The following UBE3C variants were observed in gnomAD, a reference collection of about 807,000 sequenced individuals.
UBE3C encodes ubiquitin protein ligase E3C.
UBE3C carries 42 observed loss-of-function variants against 129.4 expected under a neutral mutation model. That is an observed-to-expected ratio of 0.32 (90% CI 0.25 to 0.42). The LOEUF (loss-of-function observed/expected upper bound fraction) is 0.42. Ranked by LOEUF, UBE3C falls within the 10% of genes least tolerant of loss-of-function variation. UBE3C has a pLI of 1.00. For synonymous variants in UBE3C, 510 were observed against 492.4 expected, an observed-to-expected ratio of 1.04 and a Z score of -0.47; for missense variants, 1,049 against 1,319.1, an observed-to-expected ratio of 0.80 and a Z score of 3.17.
At chr7:157,164,636 T>C (rs902078502) in intron 2 of UBE3C, 1 of 345,132 alleles carries the variant, frequency 2.9e-6, no homozygotes, top group Non-Finnish European at 5.7e-6. Flanking sequence ...AATTGTACTA[T>C]CTTATGACCT....
intron 5 of UBE3C, among the ~76,000 whole-genome samples, chr7:157,178,084 C>T (rs1474229579): frequency 6.6e-6 from 1 of 152,006 alleles, no homozygotes; most frequent in African/African-American, 2.4e-5. Context: ...CTAGAGACAG[C>T]CAAGAAGAAA....
chr7:157,191,604 G>T (rs1412520016), intron 10 of UBE3C, among the ~76,000 whole-genome samples: 3 of 152,194 alleles, frequency 2.0e-5, no homozygotes, highest in Non-Finnish European at 4.4e-5. Context: ...AGCCCCTCGT[G>T]TGTTTTCTAA....
intron 18 of UBE3C, 155 bp downstream of exon 18, chr7:157,231,482 T>C: frequency 9.1e-7 from 1 of 1,095,686 alleles, no homozygotes; most frequent in Non-Finnish European, 1.3e-6. Context: ...CAAATTTGTA[T>C]GGTTGTAAGT....
intron 8 of UBE3C, 40 bp downstream of exon 8, chr7:157,182,368 G>A (rs761689742): frequency 6.3e-7 from 1 of 1,592,018 alleles, no homozygotes; most frequent in South Asian, 1.1e-5. Context: ...ACACACATAT[G>A]GGTAGCATTG....
chr7:157,165,513 T>C (rs553482856), intron 2 of UBE3C, among the ~76,000 whole-genome samples: 6 of 151,584 alleles, frequency 4.0e-5, no homozygotes, highest in Non-Finnish European at 5.9e-5. Flanking sequence ...TTCTCCTGCC[T>C]CAGCCTCCCG....
rs573683968 is a variant in UBE3C at position 157,177,258 on chromosome 7, G to A, written c.459-1432G>A. Among the ~76,000 whole-genome samples the A allele has an allele frequency of 3.3e-5, 5 of 152,244 alleles. No individual in the cohort carries two copies. The South Asian group carries it at 8.3e-4, about 25-fold the overall frequency. ...TATTTCCTGGATTACTAATGATGAC[G>A]GGTGTTTCTCAGGAGCATACTGGTC... On this transcript the variant is annotated intron_variant, in intron 5 of 22. Coordinates refer to ENST00000348165, the MANE Select transcript of UBE3C (RefSeq NM_014671.3).
chr7:157,153,545 G>A (rs1219964901), intron 1 of UBE3C, among the ~76,000 whole-genome samples: 2 of 151,998 alleles, frequency 1.3e-5, no homozygotes, highest in Non-Finnish European at 2.9e-5. Context: ...CTCCCACCTT[G>A]GCTTCCCCAG....
intron 4 of UBE3C, among the ~76,000 whole-genome samples, chr7:157,171,863 C>T (rs1586661277): frequency 1.3e-5 from 2 of 150,258 alleles, no homozygotes; most frequent in South Asian, 2.1e-4. Context: ...TGTACCACCA[C>T]GCCCAGCTAA....
chr7:157,156,803 C>T (rs773648227), intron 1 of UBE3C, among the ~76,000 whole-genome samples: 16 of 151,460 alleles, frequency 1.1e-4, no homozygotes, highest in Non-Finnish European at 1.9e-4. Context: ...GGAGACAGTT[C>T]CTGATCAGTA....
chr7:157,220,859 T>G, intron 15 of UBE3C, 83 bp downstream of exon 15: 1 of 1,448,922 alleles, frequency 6.9e-7, no homozygotes, highest in East Asian at 2.4e-5. Context: ...ATCTGTTATT[T>G]TTCATAAACT....
intron 4 of UBE3C, 23 bp downstream of exon 4, chr7:157,170,473 C>G (rs1808337234): frequency 6.6e-7 from 1 of 1,509,542 alleles, no homozygotes; most frequent in Admixed American, 2.5e-5. Context: ...TACATTTTCA[C>G]TTGTCCTCGT....
intron 19 of UBE3C, among the ~76,000 whole-genome samples, chr7:157,250,135 G>A (rs913342250): frequency 6.6e-6 from 1 of 152,322 alleles, no homozygotes; most frequent in Admixed American, 6.5e-5. Context: ...TGGCCGGGAG[G>A]TGTGATGCCT....
intron 10 of UBE3C, chr7:157,192,650 G>A (rs1275608191): frequency 5.2e-6 from 4 of 766,770 alleles, no homozygotes; most frequent in East Asian, 4.9e-5. Flanking sequence ...GCAAGAGAAA[G>A]AAGGGGAAGC....
In UBE3C at chr7:157,256,468, C is replaced by T. The variant is rs146081202; in HGVS notation, c.2951-446C>T. Among the ~76,000 whole-genome samples, 1,033 of 151,148 alleles carry T rather than the reference C, an allele frequency of 6.8e-3. 6 individuals are homozygous for T. Among genetic ancestry groups the T allele is most frequent in the Non-Finnish European group, 0.011 (756 of 67,800 alleles). On this transcript the variant is annotated intron_variant, in intron 21 of 22. Transcript: ENST00000348165. ...CTGCTTTGACCCTCCTTAAGTTGCT[C>T]TCCCCTTCTCGTACTTTGCCCATCG...
intron 14 of UBE3C, among the ~76,000 whole-genome samples, chr7:157,220,108 G>A (rs1196404396): frequency 6.6e-6 from 1 of 152,178 alleles, no homozygotes; most frequent in Non-Finnish European, 1.5e-5. Context: ...CTACTCAGGA[G>A]GCTGAGGTGG....
intron 16 of UBE3C, among the ~76,000 whole-genome samples, chr7:157,224,798 T>A (rs796259083): frequency 1.6e-4 from 23 of 148,336 alleles, no homozygotes; most frequent in South Asian, 6.3e-4. Context: ...ACACACTCTC[T>A]CTCTCTCTCT....
chr7:157,209,903 G>A (rs1257986347), intron 13 of UBE3C, among the ~76,000 whole-genome samples: 2 of 152,216 alleles, frequency 1.3e-5, no homozygotes, highest in Non-Finnish European at 2.9e-5. Context: ...GGGCAAGGCC[G>A]GGTGTGGTGG....
intron 16 of UBE3C, 39 bp downstream of exon 16, chr7:157,223,390 A>G: frequency 4.5e-6 from 7 of 1,542,942 alleles, no homozygotes; most frequent in Non-Finnish European, 6.2e-6. Flanking sequence ...TACGTATCAT[A>G]TTAGTGTTAA....
chr7:157,185,945 G>GTT (rs968378986), intron 9 of UBE3C, among the ~76,000 whole-genome samples: 17 of 151,920 alleles, frequency 1.1e-4, no homozygotes, highest in South Asian at 2.1e-4. Flanking sequence ...AATACCCAAT[G>GTT]TTATATATAT....
Sources: allele counts gnomAD v4.1 joint callset (sites outside exome capture counted in the v4.1 genomes callset), GRCh38; gene constraint gnomAD v4.1.1; transcripts MANE v1.5; gene names NCBI Gene and HGNC (gene_info 2026-07-23, HGNC 2026-07-21).